Variants in FBXL18 observed in about 807,000 individuals in gnomAD.
FBXL18 encodes F-box/LRR-repeat protein 18.
Under a neutral mutation model 46.0 loss-of-function variants are expected in FBXL18, and 36 were observed. The ratio of observed to expected loss-of-function variants is 0.78; its 90% CI spans 0.60 to 1.03. The LOEUF (loss-of-function observed/expected upper bound fraction) is 1.03. FBXL18 is among the 50% of genes least tolerant of loss of function. The pLI is 0.00. For missense variants in FBXL18, 977 were observed against 1,004.1 expected, an observed-to-expected ratio of 0.97 and a Z score of 0.36; for synonymous variants, 557 against 465.3, an observed-to-expected ratio of 1.20 and a Z score of -2.54.
At chr7:5,461,431 T>C (rs1195960247) in intron 4 of FBXL18, among the ~76,000 whole-genome samples, 1 of 152,064 alleles carries the variant, frequency 6.6e-6, no homozygotes, top group African/African-American at 2.4e-5. Context: ...TTAAAAGTAA[T>C]GGCAAGAACC....
At chr7:5,463,436 A>C (rs989013926) in intron 4 of FBXL18, among the ~76,000 whole-genome samples, 8 of 151,800 alleles carry the variant, frequency 5.3e-5, no homozygotes, top group Admixed American at 2.0e-4. Context: ...CCTGGGCAAC[A>C]TAACAAGACC....
chr7:5,500,431 CCAGTTCCCTCCG>C (rs1784203636), intron 3 of FBXL18, 45 bp downstream of exon 3: 2 of 1,501,150 alleles, frequency 1.3e-6, no homozygotes, highest in African/African-American at 2.8e-5. Flanking sequence ...CGCGAACGCC[CCAGTTCCCTCCG>C]CCAGCTTCCA....
intron 1 of FBXL18, among the ~76,000 whole-genome samples, chr7:5,507,195 G>A (rs768511904): frequency 6.6e-6 from 1 of 152,180 alleles, no homozygotes; most frequent in Non-Finnish European, 1.5e-5. Context: ...TGGAAGCTCT[G>A]AGTTTTGCAA....
rs1304253280 is a variant in FBXL18 at position 5,500,911 on chromosome 7, C to A, written c.1358G>T (p.Arg453Leu). 1.3e-6 allele frequency: 2 copies of A among 1,572,246 alleles called. No individual in the cohort carries two copies. Among genetic ancestry groups the A allele is most frequent in the Non-Finnish European group, 1.7e-6 (2 of 1,159,472 alleles). The change falls in exon 3 of 5, where the codon CGT becomes CTT. Residue 453 changes from arginine (R) to leucine (L), a missense_variant. Transcript: ENST00000382368. ...GCTGGGACAGGACTGCACGCCCACA[C>A]GCACTTTCTTGCCAAAGCCGCGCGG... ...AVPRGFGKKV[R>L]VGVQSCPSPF...
At position 5,501,690 on chromosome 7, in the gene FBXL18, G is replaced by A. The variant is rs1470713315; in HGVS notation, c.579C>T (p.Ser193=). Reference sequence around the variant, plus strand: ...CGAAGTAGAGCAGCAGCTTCTCTAGGCTGGTGCAGCAGGGCACCACGCCGT... The same window carrying A: ...CGAAGTAGAGCAGCAGCTTCTCTAGACTGGTGCAGCAGGGCACCACGCCGT... ...PSYGVVPCCT[S]LEKLLLYFEI... Residue 193 remains serine, a synonymous_variant, in exon 3 of 5, where the codon AGC becomes AGT. Transcript: ENST00000382368. 1 of 1,604,510 alleles carries A rather than the reference G, an allele frequency of 6.2e-7. No individual in the cohort carries two copies. The highest frequency in any genetic ancestry group is 1.7e-5 in the Admixed American group (1 of 58,876).
rs1313932583 is a variant in FBXL18, at chr7:5,500,537, G to A, written c.1732C>T (p.Pro578Ser). 5.6e-6 allele frequency: 9 copies of A among 1,613,368 alleles called. No homozygotes were observed. The highest frequency in any genetic ancestry group is 7.6e-6 in the Non-Finnish European group (9 of 1,179,742). The change falls in exon 3 of 5, where the codon CCC (proline) becomes TCC (serine). Residue 578 changes from proline (P) to serine (S), a missense_variant. By Grantham distance (74) the Pro-to-Ser change is moderately conservative (BLOSUM62 -1). Transcript: ENST00000382368. Reference protein sequence around the residue: ...LGMMGKVVYMPALSDMLKHCK... With the variant: ...LGMMGKVVYMSALSDMLKHCK... Reference sequence around the variant, plus strand: ...TGCTTCAACATGTCTGAGAGCGCGGGCATGTACACCACCTTCCCCATCATG... The same window carrying A: ...TGCTTCAACATGTCTGAGAGCGCGGACATGTACACCACCTTCCCCATCATG...
rs769460903 is a variant in FBXL18 at position 5,501,909 on chromosome 7, G to C, written c.360C>G (p.Ser120Arg). The change falls in exon 3 of 5, where the codon AGC becomes AGG. Residue 120 changes from serine to arginine, a missense_variant. Transcript: ENST00000382368. ...STVEHVARCR[S>R]LVKVNLSGCH... ...AGCCCGAGAGGTTCACCTTCACCAG[G>C]CTGCGGCAGCGGGCCACGTGTTCCA... is the stretch of plus-strand genomic sequence containing the variant. 1.6e-5 allele frequency: 25 copies of C among 1,602,244 alleles called. No individual in the cohort carries two copies. In the African/African-American group the frequency reaches 2.9e-4, roughly 19 times the overall value.
chr7:5,465,752 C>G (rs2128231470), intron 4 of FBXL18, among the ~76,000 whole-genome samples: 1 of 152,104 alleles, frequency 6.6e-6, no homozygotes, highest in South Asian at 2.1e-4. Flanking sequence ...GTGATGAGTT[C>G]ACTGGAAGCC....
chr7:5,484,599 A>G (rs1783728246), intron 4 of FBXL18, among the ~76,000 whole-genome samples: 1 of 151,320 alleles, frequency 6.6e-6, no homozygotes, highest in African/African-American at 2.4e-5. Context: ...TGAAGCCAGT[A>G]GCTGGGACCA....
chr7:5,508,912 G>A (rs558098202), intron 1 of FBXL18, among the ~76,000 whole-genome samples: 2 of 152,268 alleles, frequency 1.3e-5, no homozygotes, highest in Non-Finnish European at 2.9e-5. Flanking sequence ...TGGGCCAGAC[G>A]CTGTAATGCT....
chr7:5,494,670 C>T (rs73673167), intron 3 of FBXL18, among the ~76,000 whole-genome samples: 2 of 152,270 alleles, frequency 1.3e-5, no homozygotes, highest in African/African-American at 2.4e-5. Flanking sequence ...ACGGTGCAGG[C>T]GCCGCACCTG....
intron 4 of FBXL18, chr7:5,490,125 G>A: frequency 7.3e-7 from 1 of 1,360,992 alleles, no homozygotes; most frequent in South Asian, 1.1e-5. Context: ...AGGGTTGTCG[G>A]CGCCCAGTGG....
intron 2 of FBXL18, among the ~76,000 whole-genome samples, chr7:5,502,664 C>T (rs1022778755): frequency 2.6e-5 from 4 of 152,136 alleles, no homozygotes; most frequent in African/African-American, 9.6e-5. Context: ...AACCTCATCT[C>T]TACTAAAAAT....
At chr7:5,474,916 G>A (rs1224609126), downstream of FBXL18, among the ~76,000 whole-genome samples, 2 of 148,398 alleles carry the variant, frequency 1.3e-5, no homozygotes, top group African/African-American at 2.5e-5. Context: ...CACCGTGTTC[G>A]CCAGGGTGGT....
chr7:5,464,462 A>G (rs1171921580), intron 4 of FBXL18, among the ~76,000 whole-genome samples: 1 of 151,960 alleles, frequency 6.6e-6, no homozygotes, highest in Non-Finnish European at 1.5e-5. Flanking sequence ...CCCAGGAGAC[A>G]GAGCAAGACT....
At chr7:5,491,088 C>T in intron 4 of FBXL18, 143 bp downstream of exon 4, 2 of 745,778 alleles carry the variant, frequency 2.7e-6, no homozygotes, top group Non-Finnish European at 2.2e-6. Context: ...GAGACCAAAC[C>T]CCTTGCTTTC....
chr7:5,470,710 TGTCCCCTTCCCGGGG>T (rs1783414958), intron 4 of FBXL18, among the ~76,000 whole-genome samples: 7 of 1,328 alleles, frequency 5.3e-3, no homozygotes, highest in Non-Finnish European at 6.5e-3. Context: ...GGGGGGGAGA[TGTCCCCTTCCCGGGG>T]GGGAGATGTC....
At chr7:5,460,272 G>C (rs1415332662) in intron 4 of FBXL18, among the ~76,000 whole-genome samples, 1 of 152,064 alleles carries the variant, frequency 6.6e-6, no homozygotes, top group East Asian at 1.9e-4. Flanking sequence ...CAAACAAAAA[G>C]ACAGTGCCTG....
intron 4 of FBXL18, chr7:5,490,302 A>T (rs1783888661): frequency 2.5e-6 from 3 of 1,180,292 alleles, no homozygotes; most frequent in Non-Finnish European, 3.2e-6. Context: ...TCACTCCAGC[A>T]GTCAGCCCGT....
Sources: allele counts gnomAD v4.1 joint callset (sites outside exome capture counted in the v4.1 genomes callset), GRCh38; gene constraint gnomAD v4.1.1; transcripts MANE v1.5; gene names NCBI Gene and HGNC (gene_info 2026-07-23, HGNC 2026-07-21).